Variants in BCLAF1 observed in about 807,000 individuals in gnomAD.
BCLAF1 encodes BCL2 associated transcription factor 1.
BCLAF1 carries 10 observed loss-of-function variants against 99.5 expected under a neutral mutation model. The observed-to-expected ratio is 0.10, with a 90% confidence interval of 0.06 to 0.17. BCLAF1 has a LOEUF of 0.17. Among genes scored for constraint, BCLAF1 ranks in the 10% least tolerant of loss-of-function variants. BCLAF1 has a pLI of 1.00. For missense variants in BCLAF1, 636 were observed against 1,105.8 expected (o/e 0.58, Z 6.02); for synonymous variants, 255 against 370.9 (o/e 0.69, Z 3.59).
chr6:136,288,833 C>A (rs1365765310), intron 1 of BCLAF1, among the ~76,000 whole-genome samples: 2 of 152,214 alleles, frequency 1.3e-5, no homozygotes, highest in African/African-American at 2.4e-5. Flanking sequence ...CCAATCGTGG[C>A]TGCAACATTT....
rs533813774 is a variant in BCLAF1, at chr6:136,276,967, T to C, written c.1017-459A>G. On this transcript the variant is annotated intron_variant, in intron 4 of 12. Transcript: ENST00000531224. ...ACCACTGCAGTAATTTAATACTTTATGAAAATCACAGAACAGTTCATATAA... is the reference window on the plus strand; with the variant it reads ...ACCACTGCAGTAATTTAATACTTTACGAAAATCACAGAACAGTTCATATAA... Among the ~76,000 whole-genome samples, 9 of 152,342 alleles carry C rather than the reference T, an allele frequency of 5.9e-5. No individual in the cohort carries two copies. In the South Asian group the frequency reaches 1.2e-3, roughly 21 times the overall value.
At chr6:136,272,252 A>T (rs1433851934) in intron 7 of BCLAF1, among the ~76,000 whole-genome samples, 173 bp from the exon 8 acceptor site, 2 of 151,946 alleles carry the variant, frequency 1.3e-5, no homozygotes, top group Non-Finnish European at 2.9e-5. Flanking sequence ...ATACCCACAA[A>T]GAATGAATTA....
intron 10 of BCLAF1, 64 bp downstream of exon 10, chr6:136,268,094 ACCTT>A (rs1465172862): frequency 1.6e-5 from 21 of 1,346,680 alleles, no homozygotes; most frequent in Middle Eastern, 2.8e-4. Context: ...CATGTATATG[ACCTT>A]CCTTATGTAC....
chr6:136,279,944 T>C (rs950863287), intron 2 of BCLAF1, 68 bp from the exon 3 acceptor site: 11 of 1,317,178 alleles, frequency 8.4e-6, no homozygotes, highest in Non-Finnish European at 1.1e-5. Context: ...ACATTATTAC[T>C]TATTTTCAGA....
intron 11 of BCLAF1, among the ~76,000 whole-genome samples, chr6:136,263,915 T>C (rs1021227184): frequency 2.0e-5 from 3 of 152,126 alleles, no homozygotes; most frequent in East Asian, 1.9e-4. Flanking sequence ...GATAGGAAAA[T>C]TCAAAAAGAA....
intron 2 of BCLAF1, among the ~76,000 whole-genome samples, chr6:136,282,176 T>C (rs1784463203): frequency 6.6e-6 from 1 of 152,212 alleles, no homozygotes; most frequent in Non-Finnish European, 1.5e-5. Context: ...TGTAGTGGAC[T>C]TAATGAGTTG....
At chr6:136,270,634 G>A (rs1319837240) in intron 8 of BCLAF1, among the ~76,000 whole-genome samples, 1 of 151,776 alleles carries the variant, frequency 6.6e-6, no homozygotes. Flanking sequence ...AAGTCCACAA[G>A]TAACAAGATA....
At chr6:136,261,172 C>T (rs1780923157) in intron 12 of BCLAF1, 57 bp from the exon 13 acceptor site, 9 of 1,562,752 alleles carry the variant, frequency 5.8e-6, no homozygotes, top group African/African-American at 1.4e-5. Flanking sequence ...TGAAAAGGAA[C>T]CATATTAATA....
In BCLAF1 at chr6:136,275,934, T is replaced by C; in HGVS notation, c.1591A>G (p.Ser531Gly). ...AREKSTFREESPLRIKMIASD... is the reference protein window; with the variant it reads ...AREKSTFREEGPLRIKMIASD... The stretch of plus-strand genomic sequence containing the variant: ...GCTATCATTTTGATCCTAAGTGGGC[T>C]TTCCTCTCTGAAGGTAGACTTTTCT... Residue 531 changes from serine to glycine, a missense_variant, in exon 5 of 13, where the codon AGC becomes GGC. Around this residue, in one of 9 missense-constraint regions of BCLAF1, gnomAD observed 20 missense variants for 66.2 expected, o/e 0.30. Coordinates refer to ENST00000531224, the MANE Select transcript of BCLAF1 (RefSeq NM_014739.3). 1 of 1,612,688 alleles carries C rather than the reference T, an allele frequency of 6.2e-7. No homozygotes were observed.
intron 2 of BCLAF1, among the ~76,000 whole-genome samples, chr6:136,281,992 T>C (rs756346709): frequency 6.6e-6 from 1 of 152,200 alleles, no homozygotes; most frequent in Non-Finnish European, 1.5e-5. Context: ...GCCTATCAAA[T>C]AGTTAGCAGT....
At chr6:136,273,748 C>T (rs1441010834) in intron 6 of BCLAF1, among the ~76,000 whole-genome samples, 3 of 152,016 alleles carry the variant, frequency 2.0e-5, no homozygotes, top group Non-Finnish European at 4.4e-5. Flanking sequence ...AATCTGGCAT[C>T]TTGGCAAACC....
At chr6:136,266,750 CAACTAT>C in intron 11 of BCLAF1, among the ~76,000 whole-genome samples, 1 of 152,018 alleles carries the variant, frequency 6.6e-6, no homozygotes, top group Non-Finnish European at 1.5e-5. Context: ...ACATTAAGCT[CAACTAT>C]AATATAATGT....
chr6:136,265,195 T>C (rs1443069777), intron 11 of BCLAF1, among the ~76,000 whole-genome samples: 57 of 152,322 alleles, frequency 3.7e-4, no homozygotes, highest in Non-Finnish European at 8.8e-5. Context: ...TGTTGGTCTT[T>C]ATCTCGTCTC....
At chr6:136,273,249 T>A in intron 6 of BCLAF1, 62 bp from the exon 7 acceptor site, 1 of 1,396,464 alleles carries the variant, frequency 7.2e-7, no homozygotes, top group Non-Finnish European at 1.0e-6. Flanking sequence ...GATTTGTTTG[T>A]GACAGAAGGG....
chr6:136,269,820 T>C (rs1782264013), intron 8 of BCLAF1: 4 of 388,260 alleles, frequency 1.0e-5, no homozygotes, highest in Non-Finnish European at 1.8e-5. Flanking sequence ...CAAAGTGCAG[T>C]GGGACTGGGG....
At chr6:136,267,708 T>C (rs538877782) in intron 10 of BCLAF1, among the ~76,000 whole-genome samples, 1 of 152,086 alleles carries the variant, frequency 6.6e-6, no homozygotes, top group African/African-American at 2.4e-5. Flanking sequence ...GGATAATGTA[T>C]ATGCTATGTG....
At position 136,259,485 on chromosome 6, in the gene BCLAF1, G is replaced by C. The variant is rs1439573401; in HGVS notation, c.*1625C>G. On this transcript the variant is annotated 3_prime_UTR_variant, in exon 13 of 13. Coordinates refer to ENST00000531224, the MANE Select transcript of BCLAF1 (RefSeq NM_014739.3). ...TATTATTCTGAACAGGAGAATATTA[G>C]TTATGCCCTGATTAATGCAATACAT... 6.6e-6 allele frequency: 1 copy of C among 152,018 alleles called. No individual in the cohort carries two copies. Among genetic ancestry groups the C allele is most frequent in the East Asian group, 1.9e-4 (1 of 5,204 alleles). The allele number at this position is 152,018 out of a possible 1,614,324, so 9.4% of individuals were successfully genotyped here.
At chr6:136,277,839 T>A (rs1783647461) in intron 4 of BCLAF1, 26 bp downstream of exon 4, 26 of 1,593,594 alleles carry the variant, frequency 1.6e-5, no homozygotes, top group Non-Finnish European at 2.2e-5. Context: ...AATATTATAA[T>A]CTAGATTCTG....
rs867458503 is a variant in BCLAF1 at position 136,259,450 on chromosome 6, C to A, written c.*1660G>T. On this transcript the variant is annotated 3_prime_UTR_variant, in exon 13 of 13. Coordinates refer to ENST00000531224, the MANE Select transcript of BCLAF1 (RefSeq NM_014739.3). ...GAATCACATCCATGTTGCTTTCACA[C>A]GTAAATAAGTATTATTCTGAACAGG... 6.6e-6 allele frequency: 1 copy of A among 151,998 alleles called. No homozygotes were observed. Among genetic ancestry groups the A allele is most frequent in the Non-Finnish European group, 1.5e-5 (1 of 67,898 alleles). The allele number at this position is 151,998 out of a possible 1,614,324, so 9.4% of individuals were successfully genotyped here.
Sources: allele counts gnomAD v4.1 joint callset (sites outside exome capture counted in the v4.1 genomes callset), GRCh38; gene constraint gnomAD v4.1.1; regional missense constraint gnomAD v4.1.1; transcripts MANE v1.5; gene names NCBI Gene and HGNC (gene_info 2026-07-23, HGNC 2026-07-21).